Variants in TUSC3 observed in about 807,000 individuals in gnomAD.
TUSC3 encodes the protein dolichyl-diphosphooligosaccharide--protein glycosyltransferase subunit TUSC3.
A neutral mutation model predicts 44.8 loss-of-function variants in TUSC3; 45 were observed. The ratio of observed to expected loss-of-function variants is 1.00; its 90% CI spans 0.79 to 1.29. The LOEUF is 1.29. Ranked by LOEUF, TUSC3 falls within the 50% of genes most tolerant of loss-of-function variation. The pLI is 0.00. For synonymous variants in TUSC3, 212 were observed against 152.9 expected, an observed-to-expected ratio of 1.39 and a Z score of -2.85; for missense variants, 519 against 437.9, an observed-to-expected ratio of 1.19 and a Z score of -1.65.
At chr8:15,711,635 C>A (rs1809857606) in intron 6 of TUSC3, among the ~76,000 whole-genome samples, 1 of 151,576 alleles carries the variant, frequency 6.6e-6, no homozygotes, top group African/African-American at 2.4e-5. Flanking sequence ...TACCATTGCA[C>A]TGTGTAGGCA....
In TUSC3 at chr8:15,574,214, C is replaced by T. The variant is rs146593928; in HGVS notation, c.138+33646C>T. Reference sequence around the variant, plus strand: ...GTAATTTATAGTATCTCCCTAATTCCTTACTCCCACCCTTCCTCTTGCGTT... The same window carrying T: ...GTAATTTATAGTATCTCCCTAATTCTTTACTCCCACCCTTCCTCTTGCGTT... On this transcript the variant is annotated intron_variant, in intron 1 of 10. Coordinates refer to ENST00000503731, the MANE Select transcript of TUSC3 (RefSeq NM_006765.4). Among the ~76,000 whole-genome samples the T allele has an allele frequency of 1.4e-3, 217 of 152,238 alleles. 1 individual carries two copies. The Middle Eastern group carries it at 0.024, about 17-fold the overall frequency.
At chr8:15,830,626 G>A in the TUSC3 span, among the ~76,000 whole-genome samples, 1 of 152,236 alleles carries the variant, frequency 6.6e-6, no homozygotes, top group African/African-American at 2.4e-5. Flanking sequence ...GGTAGAGGTG[G>A]AGGCCCTTAT....
chr8:15,425,331 A>T (rs1208926292), intron 1 of TUSC3, among the ~76,000 whole-genome samples: 1 of 152,228 alleles, frequency 6.6e-6, no homozygotes, highest in African/African-American at 2.4e-5. Context: ...TTTCGCCCTT[A>T]AGAATGCTTT....
At chr8:15,809,948 T>G in the TUSC3 span, among the ~76,000 whole-genome samples, 11 of 152,334 alleles carry the variant, frequency 7.2e-5, no homozygotes, top group South Asian at 1.9e-3. Flanking sequence ...GAATGCACCT[T>G]GTTAAACCTC....
chr8:15,770,359 G>A (rs988451124), downstream of TUSC3, among the ~76,000 whole-genome samples: 2 of 152,100 alleles, frequency 1.3e-5, no homozygotes, highest in African/African-American at 4.8e-5. Flanking sequence ...GTTGGACAGT[G>A]AGAACGCATG....
chr8:15,425,133 T>G (rs959800927), intron 1 of TUSC3, among the ~76,000 whole-genome samples: 1 of 152,176 alleles, frequency 6.6e-6, no homozygotes, highest in Non-Finnish European at 1.5e-5. Context: ...AAAGTGTGAT[T>G]ACAATGAAAG....
the TUSC3 span, among the ~76,000 whole-genome samples, chr8:15,821,742 G>C: frequency 1.3e-5 from 2 of 151,888 alleles, no homozygotes; most frequent in East Asian, 1.9e-4. Flanking sequence ...ATTTGCCTTA[G>C]AGAGCCCACA....
chr8:15,808,676 T>C, the TUSC3 span, among the ~76,000 whole-genome samples: 12 of 152,232 alleles, frequency 7.9e-5, no homozygotes, highest in African/African-American at 2.9e-4. Context: ...GTGCCAGACA[T>C]GTAGCAGGCA....
intron 1 of TUSC3, among the ~76,000 whole-genome samples, chr8:15,461,472 T>C (rs113338669): frequency 0.016 from 2,466 of 152,208 alleles, 65 homozygotes; most frequent in African/African-American, 0.056. Context: ...GATCATATCA[T>C]CAGCAAACAG....
At chr8:15,767,569 G>A (rs977786739), downstream of TUSC3, among the ~76,000 whole-genome samples, 14 of 152,030 alleles carry the variant, frequency 9.2e-5, no homozygotes, top group African/African-American at 3.4e-4. Context: ...TAGCTTAATG[G>A]TATTTTATCT....
At chr8:15,689,203 A>T in intron 6 of TUSC3, 1 of 364,886 alleles carries the variant, frequency 2.7e-6, no homozygotes, top group South Asian at 2.4e-5. Flanking sequence ...GCTGCTAAGC[A>T]TTCCATTTTC....
At chr8:15,539,632 A>G (rs1242428984), upstream of TUSC3, among the ~76,000 whole-genome samples, 1 of 152,150 alleles carries the variant, frequency 6.6e-6, no homozygotes, top group Admixed American at 6.5e-5. Context: ...GATTACAGGC[A>G]TGAGCCACCA....
intron 2 of TUSC3, among the ~76,000 whole-genome samples, chr8:15,488,174 C>G (rs1222097074): frequency 1.3e-5 from 2 of 152,028 alleles, no homozygotes; most frequent in Non-Finnish European, 2.9e-5. Flanking sequence ...TAAAATTCTT[C>G]TTCACTATCC....
intron 6 of TUSC3, among the ~76,000 whole-genome samples, chr8:15,725,622 T>TGATGAC (rs1233444819): frequency 2.0e-5 from 3 of 152,086 alleles, no homozygotes; most frequent in Non-Finnish European, 2.9e-5. Context: ...ATGATGATGA[T>TGATGAC]GATGACGGTA....
chr8:15,426,919 G>A (rs1481006257), intron 1 of TUSC3, among the ~76,000 whole-genome samples: 3 of 152,174 alleles, frequency 2.0e-5, no homozygotes, highest in Non-Finnish European at 4.4e-5. Context: ...TAACAGGTGT[G>A]AGGGAAAAGA....
intron 1 of TUSC3, among the ~76,000 whole-genome samples, chr8:15,436,872 T>C (rs1441734132): frequency 2.0e-5 from 3 of 152,304 alleles, no homozygotes; most frequent in East Asian, 3.9e-4. Flanking sequence ...CCCAGGTATT[T>C]TGACTTTTAG....
At chr8:15,473,472 C>A (rs986995289) in intron 1 of TUSC3, among the ~76,000 whole-genome samples, 8 of 152,182 alleles carry the variant, frequency 5.3e-5, no homozygotes, top group African/African-American at 1.9e-4. Flanking sequence ...TCACTCAAAG[C>A]ATTGGTTTGC....
intron 9 of TUSC3, chr8:15,748,736 C>A (rs764192500): frequency 3.4e-6 from 2 of 591,848 alleles, no homozygotes; most frequent in African/African-American, 1.8e-5. Flanking sequence ...ATTTTGAGGA[C>A]TTGAAAATTT....
At chr8:15,455,358 T>G (rs1800240381) in intron 1 of TUSC3, among the ~76,000 whole-genome samples, 1 of 152,136 alleles carries the variant, frequency 6.6e-6, no homozygotes, top group Non-Finnish European at 1.5e-5. Context: ...GGTTTTCTGG[T>G]GCTCCATCAT....
Sources: gnomAD v4.1 joint callset for allele counts (sites outside exome capture counted in the v4.1 genomes callset) on GRCh38, gnomAD v4.1.1 for gene constraint, MANE v1.5 for transcripts, NCBI Gene and HGNC (gene_info 2026-07-23, HGNC 2026-07-21) for gene names.